TRIM22: variants seen among roughly 807,000 people sequenced by gnomAD.
TRIM22 encodes E3 ubiquitin-protein ligase TRIM22.
Under a neutral mutation model 53.6 loss-of-function variants are expected in TRIM22, and 45 were observed. That is an observed-to-expected ratio of 0.84 (90% CI 0.66 to 1.08). The LOEUF is 1.08. Ranked by LOEUF, TRIM22 falls within the 50% of genes least tolerant of loss-of-function variation. TRIM22 has a pLI of 0.00. For missense variants in TRIM22, 616 were observed against 590.9 expected (o/e 1.04, Z -0.44); for synonymous variants, 225 against 216.6 (o/e 1.04, Z -0.34).
intron 1 of TRIM22, among the ~76,000 whole-genome samples, chr11:5,690,848 T>A (rs529646811): frequency 2.6e-5 from 4 of 152,322 alleles, no homozygotes; most frequent in African/African-American, 9.6e-5. Context: ...TCAGCAGGGA[T>A]GAGAGCCCTT....
chr11:5,694,248 A>T (rs2134172159), intron 1 of TRIM22, among the ~76,000 whole-genome samples: 1 of 152,318 alleles, frequency 6.6e-6, no homozygotes, highest in African/African-American at 2.4e-5. Flanking sequence ...TCCTTTATGG[A>T]TTGAGACTTT....
chr11:5,698,583 G>C, intron 4 of TRIM22, 38 bp downstream of exon 4: 4 of 1,535,284 alleles, frequency 2.6e-6, no homozygotes, highest in Non-Finnish European at 3.6e-6. Context: ...AAGAGATTAG[G>C]GGAAAAACAC....
chr11:5,691,459 C>A (rs1853171304), intron 1 of TRIM22, among the ~76,000 whole-genome samples: 1 of 152,210 alleles, frequency 6.6e-6, no homozygotes, highest in Non-Finnish European at 1.5e-5. Flanking sequence ...AGGGGTCCAT[C>A]TTTAACTACC....
chr11:5,698,491 G>A lies in TRIM22; in HGVS notation c.696G>A (p.Thr232=), dbSNP rs199906065. The change falls in exon 4 of 8, where the codon ACG becomes ACA. Residue 232 remains threonine (T), a synonymous_variant. Coordinates refer to ENST00000379965, the MANE Select transcript of TRIM22 (RefSeq NM_006074.5). ...QLVQQRQDAS[T]LISDLQRRLR... ...TCCAGCAGAGGCAGGATGCCAGCAC[G>A]CTCATCTCAGATCTCCAGCGGAGGT... 121 of 1,613,984 alleles carry A rather than the reference G, an allele frequency of 7.5e-5. No homozygotes were observed. In the African/African-American group the frequency reaches 1.3e-3, roughly 17 times the overall value.
rs769673655 is a variant in TRIM22 at position 5,697,251 on chromosome 11, A to G, written c.427A>G (p.Lys143Glu). Reference protein sequence around the residue: ...INEVVKECQEKLQVALQRLIK... With the variant: ...INEVVKECQEELQVALQRLIK... Reference sequence around the variant, plus strand: ...TGGTATAATTTATTTCTTACAGGAAAAGCTGCAGGTAGCCCTGCAGAGGCT... The same window carrying G: ...TGGTATAATTTATTTCTTACAGGAAGAGCTGCAGGTAGCCCTGCAGAGGCT... The change falls in exon 3 of 8, where the codon AAG (lysine) becomes GAG (glutamate). Residue 143 changes from lysine to glutamate, a missense_variant. Physicochemically the swap from Lys to Glu is moderately conservative, Grantham distance 56. Coordinates refer to ENST00000379965, the MANE Select transcript of TRIM22 (RefSeq NM_006074.5). The G allele has an allele frequency of 1.9e-6, 3 of 1,604,472 alleles. No homozygotes were observed. Among genetic ancestry groups the G allele is most frequent in the Non-Finnish European group, 2.6e-6 (3 of 1,175,356 alleles).
At chr11:5,708,777 C>T (rs1226567588) in intron 7 of TRIM22, among the ~76,000 whole-genome samples, 174 bp downstream of exon 7, 3 of 149,834 alleles carry the variant, frequency 2.0e-5, no homozygotes, top group Non-Finnish European at 2.9e-5. Context: ...AGTGCAATGG[C>T]GCGGTCTCGG....
At position 5,709,917 on chromosome 11, in the gene TRIM22, C is replaced by T; in HGVS notation, c.*269C>T. 1 of 434,876 alleles carries T rather than the reference C, an allele frequency of 2.3e-6. No individual in the cohort carries two copies. The highest frequency in any genetic ancestry group is 3.9e-5 in the South Asian group (1 of 25,890). The allele number at this position is 434,876 out of a possible 1,614,324, so 26.9% of individuals were successfully genotyped here. On this transcript the variant is annotated 3_prime_UTR_variant, in exon 8 of 8. Coordinates refer to ENST00000379965, the MANE Select transcript of TRIM22 (RefSeq NM_006074.5). ...TCTTTCTGAGGTCTGCAAGGAAGGG[C>T]TCTGTTCCATGCCTCTCTCCTTGGC... is the stretch of plus-strand genomic sequence containing the variant.
chr11:5,701,934 CT>C (rs1370102760), intron 4 of TRIM22, among the ~76,000 whole-genome samples: 41 of 151,988 alleles, frequency 2.7e-4, no homozygotes, highest in African/African-American at 9.7e-4. Flanking sequence ...ATTGACCGTA[CT>C]TGCTCTTTGC....
chr11:5,695,344 G>C (rs907145097), intron 1 of TRIM22, among the ~76,000 whole-genome samples: 2 of 152,094 alleles, frequency 1.3e-5, no homozygotes, highest in African/African-American at 4.8e-5. Flanking sequence ...AGGAGCAAGT[G>C]CAAAAGCCTT....
At chr11:5,703,547 G>A (rs938133681) in intron 4 of TRIM22, among the ~76,000 whole-genome samples, 25 of 151,770 alleles carry the variant, frequency 1.6e-4, no homozygotes, top group African/African-American at 6.1e-4. Flanking sequence ...AACCACGCCC[G>A]GCTAATTTTT....
rs28645397 is a variant in TRIM22, at chr11:5,701,269, G to T, written c.750+2724G>T. Among the ~76,000 whole-genome samples, 13 of 152,194 alleles carry T rather than the reference G, an allele frequency of 8.5e-5. No homozygotes were observed. In the South Asian group the frequency reaches 2.1e-3, roughly 24 times the overall value. ...TTTCATTTTCTGAAACAAATTTGGGGAGAATTTTAATAATTTCCTTCTCCA... is the reference window on the plus strand; with the variant it reads ...TTTCATTTTCTGAAACAAATTTGGGTAGAATTTTAATAATTTCCTTCTCCA... On this transcript the variant is annotated intron_variant, in intron 4 of 7. Coordinates refer to ENST00000379965, the MANE Select transcript of TRIM22 (RefSeq NM_006074.5).
intron 1 of TRIM22, among the ~76,000 whole-genome samples, chr11:5,692,808 A>AAAAAT (rs58153163): frequency 6.9e-6 from 1 of 145,524 alleles, no homozygotes; most frequent in Admixed American, 6.8e-5. Context: ...AAAAAAAAAA[A>AAAAAT]AGATATTGAT....
chr11:5,708,500 C>G (rs1357463777), intron 6 of TRIM22, 77 bp from the exon 7 acceptor site: 1 of 1,404,130 alleles, frequency 7.1e-7, no homozygotes, highest in Non-Finnish European at 9.8e-7. Flanking sequence ...TTTCCTTTCC[C>G]TACTCTGGAG....
At chr11:5,701,310 C>G (rs1482290293) in intron 4 of TRIM22, among the ~76,000 whole-genome samples, 1 of 152,152 alleles carries the variant, frequency 6.6e-6, no homozygotes, top group Non-Finnish European at 1.5e-5. Flanking sequence ...TGGTAGAATT[C>G]ATCAGTTTAC....
intron 3 of TRIM22, 75 bp from the exon 4 acceptor site, chr11:5,698,240 C>G: frequency 1.6e-6 from 2 of 1,213,160 alleles, no homozygotes; most frequent in African/African-American, 1.5e-5. Flanking sequence ...CTGTTCTTAT[C>G]CTGTCTCCCA....
In TRIM22 at chr11:5,706,611, GA is replaced by G; in HGVS notation, c.772del (p.Arg258GlyfsTer7). 6.2e-7 allele frequency: 1 copy of G among 1,612,410 alleles called. No individual in the cohort carries two copies. ...EMLQDVIDVM[K>X]RSESWTLKKP... Reference sequence around the variant, plus strand: ...TTCCCCAGGATGTGATTGACGTCATGAAAAGGTATATGTGGAAGAGAGATGT... The same window carrying G: ...TTCCCCAGGATGTGATTGACGTCATGAAAGGTATATGTGGAAGAGAGATGT... On this transcript the variant is annotated frameshift_variant, in exon 5 of 8. Transcript: ENST00000379965. LOFTEE classifies it high-confidence loss of function.
chr11:5,700,611 T>G (rs1853359634), intron 4 of TRIM22, among the ~76,000 whole-genome samples: 1 of 112,206 alleles, frequency 8.9e-6, no homozygotes, highest in Non-Finnish European at 1.9e-5. Context: ...TTTTTCAGAT[T>G]TGTAATGAAG....
intron 1 of TRIM22, among the ~76,000 whole-genome samples, chr11:5,690,159 C>T (rs1853150918): frequency 6.6e-6 from 1 of 152,170 alleles, no homozygotes; most frequent in African/African-American, 2.4e-5. Flanking sequence ...AATCTAGGTA[C>T]CTCCATCACC....
intron 1 of TRIM22, among the ~76,000 whole-genome samples, chr11:5,691,330 G>GGGTAC (rs1853169317): frequency 6.6e-6 from 1 of 152,124 alleles, no homozygotes; most frequent in South Asian, 2.1e-4. Flanking sequence ...AGCAAGCAGG[G>GGGTAC]GGTACGTGAC....
Sources: gnomAD v4.1 joint callset for allele counts (sites outside exome capture counted in the v4.1 genomes callset) on GRCh38, gnomAD v4.1.1 for gene constraint, MANE v1.5 for transcripts, NCBI Gene and HGNC (gene_info 2026-07-23, HGNC 2026-07-21) for gene names.